ACKR2: variants seen among roughly 807,000 people sequenced by gnomAD.
ACKR2 encodes the protein atypical chemokine receptor 2.
For synonymous variants in ACKR2, 207 were observed against 192.2 expected, an observed-to-expected ratio of 1.08 and a Z score of -0.64; for missense variants, 457 against 477.3, an observed-to-expected ratio of 0.96 and a Z score of 0.40.
chr3:42,848,759 C>T (rs1701123743), intron 2 of ACKR2, among the ~76,000 whole-genome samples: 1 of 152,110 alleles, frequency 6.6e-6, no homozygotes, highest in Admixed American at 6.5e-5. Context: ...AGTGGAAGAA[C>T]TTGTTAGATA....
At chr3:42,856,366 G>T (rs1462443250) in intron 2 of ACKR2, 8 of 702,716 alleles carry the variant, frequency 1.1e-5, no homozygotes, top group Non-Finnish European at 2.1e-5. Context: ...CTCAGGAGAG[G>T]TTCTGTTTCA....
chr3:42,864,945 A>C lies in ACKR2; in HGVS notation c.443A>C (p.His148Pro), dbSNP rs759873795. The change falls in exon 3 of 3, where the codon CAT becomes CCT. Residue 148 changes from histidine to proline, a missense_variant. Transcript: ENST00000422265. ...CTGGACAAGTACCTGGAGATCGTTC[A>C]TGCTCAGCCCTACCACAGGCTGAGG... ...MSLDKYLEIV[H>P]AQPYHRLRTR... 1 of 1,614,124 alleles carries C rather than the reference A, an allele frequency of 6.2e-7. No individual in the cohort carries two copies. Among genetic ancestry groups the C allele is most frequent in the South Asian group, 1.1e-5 (1 of 91,068 alleles).
rs539302259 is a variant in ACKR2 at position 42,849,625 on chromosome 3, T to G, written c.-37-14841T>G. ...GCTGCTGCATGTGGAAGAAGACTTA[T>G]GGACAGAAAAGGAAAGTGATGGACA... On this transcript the variant is annotated intron_variant, in intron 2 of 2. Transcript: ENST00000422265. 1.2e-4 allele frequency among the ~76,000 whole-genome samples: 18 copies of G among 152,282 alleles called. No individual in the cohort carries two copies. In the East Asian group the frequency reaches 3.5e-3, roughly 29 times the overall value.
intron 2 of ACKR2, among the ~76,000 whole-genome samples, chr3:42,826,324 G>A (rs1388033407): frequency 6.6e-6 from 1 of 151,974 alleles, no homozygotes; most frequent in Non-Finnish European, 1.5e-5. Flanking sequence ...GAGTTTGAGA[G>A]GATTAGTGGT....
chr3:42,849,888 T>G (rs985665971), intron 2 of ACKR2, among the ~76,000 whole-genome samples: 1 of 152,164 alleles, frequency 6.6e-6, no homozygotes, highest in Admixed American at 6.5e-5. Context: ...ATACATGTCT[T>G]ATATATTAAA....
intron 2 of ACKR2, among the ~76,000 whole-genome samples, chr3:42,826,601 T>C (rs1458935250): frequency 1.3e-5 from 2 of 152,138 alleles, no homozygotes; most frequent in Non-Finnish European, 2.9e-5. Context: ...TTATTTCTGA[T>C]TTTAGCAATT....
At chr3:42,863,154 T>G (rs1046155332) in intron 2 of ACKR2, among the ~76,000 whole-genome samples, 2 of 152,032 alleles carry the variant, frequency 1.3e-5, no homozygotes, top group East Asian at 3.9e-4. Flanking sequence ...CTTAAACAAA[T>G]TTACAAGAAG....
chr3:42,834,079 C>A (rs1192225601), intron 2 of ACKR2, among the ~76,000 whole-genome samples: 1 of 152,190 alleles, frequency 6.6e-6, no homozygotes, highest in Non-Finnish European at 1.5e-5. Flanking sequence ...TCAGCTCAGC[C>A]TCCCGAGTAG....
intron 2 of ACKR2, among the ~76,000 whole-genome samples, chr3:42,823,153 T>C (rs1458693880): frequency 2.0e-5 from 3 of 152,240 alleles, no homozygotes; most frequent in African/African-American, 7.2e-5. Context: ...GGGACAGTCT[T>C]CTCCTATCCA....
At position 42,840,605 on chromosome 3, in the gene ACKR2, C is replaced by T. The variant is rs73829295; in HGVS notation, c.-38+20894C>T. 7.5e-3 allele frequency among the ~76,000 whole-genome samples: 1,142 copies of T among 152,310 alleles called. 19 individuals are homozygous for T. In the South Asian group the frequency reaches 0.078, roughly 10 times the overall value. On this transcript the variant is annotated intron_variant, in intron 2 of 2. Transcript: ENST00000422265. ...CTTGACTTGTAAGTGGCAAAACTAA[C>T]GTTTGAATTCCAGTCCGTCTGGGTC...
intron 2 of ACKR2, among the ~76,000 whole-genome samples, chr3:42,842,599 A>G (rs1360623006): frequency 6.6e-6 from 1 of 152,220 alleles, no homozygotes; most frequent in African/African-American, 2.4e-5. Flanking sequence ...AGTGTTTGGG[A>G]AAAGCCCAGA....
intron 2 of ACKR2, among the ~76,000 whole-genome samples, chr3:42,821,364 A>G (rs1162350715): frequency 6.6e-6 from 1 of 152,196 alleles, no homozygotes; most frequent in Non-Finnish European, 1.5e-5. Context: ...TCAGTCTGCA[A>G]TACGCCAACA....
intron 1 of ACKR2, among the ~76,000 whole-genome samples, chr3:42,816,628 CT>C (rs1394166224): frequency 6.6e-6 from 1 of 151,682 alleles, no homozygotes; most frequent in Non-Finnish European, 1.5e-5. Context: ...GCAATCTCAG[CT>C]CACTGAAACC....
intron 2 of ACKR2, among the ~76,000 whole-genome samples, chr3:42,840,414 G>A (rs1220017115): frequency 6.6e-6 from 1 of 152,136 alleles, no homozygotes; most frequent in Admixed American, 6.5e-5. Context: ...CAGAGAGAAA[G>A]GTGGACCCTA....
intron 2 of ACKR2, among the ~76,000 whole-genome samples, chr3:42,828,092 A>ATATATTTTTTTT (rs1193533555): frequency 1.6e-4 from 20 of 121,894 alleles, no homozygotes; most frequent in South Asian, 8.5e-4. Context: ...ATATATATAT[A>ATATATTTTTTTT]TTTTTTTTTT....
chr3:42,850,404 C>T (rs1701141496), intron 2 of ACKR2, among the ~76,000 whole-genome samples: 1 of 152,178 alleles, frequency 6.6e-6, no homozygotes, highest in Non-Finnish European at 1.5e-5. Flanking sequence ...GGTGAAGCCA[C>T]CATCTCTAGG....
chr3:42,823,160 T>C (rs903182244), intron 2 of ACKR2, among the ~76,000 whole-genome samples: 1 of 152,240 alleles, frequency 6.6e-6, no homozygotes, highest in Admixed American at 6.5e-5. Flanking sequence ...TCTTCTCCTA[T>C]CCAGGTTTCA....
At chr3:42,825,890 A>T in intron 2 of ACKR2, among the ~76,000 whole-genome samples, 5 of 135,578 alleles carry the variant, frequency 3.7e-5, no homozygotes, top group South Asian at 2.3e-4. Flanking sequence ...AGATACCATT[A>T]ATCAGGTTGA....
intron 2 of ACKR2, among the ~76,000 whole-genome samples, chr3:42,827,845 C>T (rs1274559541): frequency 6.6e-6 from 1 of 152,146 alleles, no homozygotes; most frequent in Non-Finnish European, 1.5e-5. Flanking sequence ...TGGACACTCT[C>T]ACCCACAGGG....
Sources: gnomAD v4.1 joint callset for allele counts (sites outside exome capture counted in the v4.1 genomes callset) on GRCh38, gnomAD v4.1.1 for gene constraint, MANE v1.5 for transcripts, NCBI Gene and HGNC (gene_info 2026-07-23, HGNC 2026-07-21) for gene names.